Variants in CNTN4 observed in about 807,000 individuals in gnomAD.
The protein encoded by CNTN4 is contactin-4.
Under a neutral mutation model 122.5 loss-of-function variants are expected in CNTN4, and 77 were observed. The observed-to-expected ratio is 0.63, with a 90% CI of 0.52 to 0.76. CNTN4 has a LOEUF of 0.76. CNTN4 is among the 30% of genes least tolerant of loss of function. The pLI is 0.00. For synonymous variants in CNTN4, 512 were observed against 447.0 expected, an observed-to-expected ratio of 1.15 and a Z score of -1.83; for missense variants, 1,256 against 1,259.1, an observed-to-expected ratio of 1.00 and a Z score of 0.04.
intron 4 of CNTN4, among the ~76,000 whole-genome samples, chr3:2,603,359 C>T (rs747027171): frequency 3.9e-5 from 6 of 152,132 alleles, no homozygotes; most frequent in Non-Finnish European, 8.8e-5. Flanking sequence ...GTGGGAAAAT[C>T]ATTAGAAATT....
At chr3:2,449,364 C>T (rs2048739654) in intron 3 of CNTN4, among the ~76,000 whole-genome samples, 1 of 152,144 alleles carries the variant, frequency 6.6e-6, no homozygotes, top group African/African-American at 2.4e-5. Context: ...CCTGTAATCC[C>T]AGCACTTTGG....
At chr3:2,915,148 C>T (rs568839286) in intron 12 of CNTN4, among the ~76,000 whole-genome samples, 2 of 152,224 alleles carry the variant, frequency 1.3e-5, no homozygotes, top group Non-Finnish European at 2.9e-5. Flanking sequence ...TCACTGCAAC[C>T]TCCACCTCCC....
intron 3 of CNTN4, among the ~76,000 whole-genome samples, chr3:2,475,097 A>C (rs997882921): frequency 2.7e-4 from 41 of 152,300 alleles, no homozygotes; most frequent in African/African-American, 9.4e-4. Context: ...ATTTTGCCAA[A>C]TATTTCTTCA....
At chr3:2,776,805 C>T (rs2091338388) in intron 6 of CNTN4, among the ~76,000 whole-genome samples, 1 of 152,070 alleles carries the variant, frequency 6.6e-6, no homozygotes, top group Admixed American at 6.6e-5. Flanking sequence ...AGTACAAAGT[C>T]CTCAGTTACA....
chr3:2,541,058 T>C (rs2078012327), intron 3 of CNTN4, among the ~76,000 whole-genome samples: 1 of 152,142 alleles, frequency 6.6e-6, no homozygotes, highest in African/African-American at 2.4e-5. Flanking sequence ...CAAGTCCTTA[T>C]CTCCAAGTCT....
chr3:2,570,893 G>C (rs192261233), intron 3 of CNTN4, among the ~76,000 whole-genome samples: 1 of 152,292 alleles, frequency 6.6e-6, no homozygotes, highest in East Asian at 1.9e-4. Flanking sequence ...GCATACTTCT[G>C]TGGCATGTTA....
At position 2,191,874 on chromosome 3, in the gene CNTN4, C is replaced by A. The variant is rs1575047077; in HGVS notation, c.-145+91235C>A. On this transcript the variant is annotated intron_variant, in intron 2 of 24. Transcript: ENST00000418658. Reference sequence around the variant, plus strand: ...AGGTATATCTCCTAATGCTATGCCTCCCCCCTCCCCCCACTCCACAACAGG... The same window carrying A: ...AGGTATATCTCCTAATGCTATGCCTACCCCCTCCCCCCACTCCACAACAGG... Among the ~76,000 whole-genome samples, 7 of 151,908 alleles carry A rather than the reference C, an allele frequency of 4.6e-5. No individual in the cohort carries two copies. The South Asian group carries it at 1.5e-3, about 32-fold the overall frequency.
intron 4 of CNTN4, among the ~76,000 whole-genome samples, chr3:2,636,025 A>G (rs1184292657): frequency 6.6e-6 from 1 of 152,146 alleles, no homozygotes; most frequent in Non-Finnish European, 1.5e-5. Flanking sequence ...CCTGCTATAT[A>G]AACCCCTAAT....
intron 2 of CNTN4, among the ~76,000 whole-genome samples, chr3:2,278,516 G>A (rs1575245706): frequency 6.6e-6 from 1 of 152,168 alleles, no homozygotes; most frequent in Admixed American, 6.5e-5. Flanking sequence ...AATGTAACAT[G>A]TTTTAGATAA....
intron 6 of CNTN4, among the ~76,000 whole-genome samples, chr3:2,810,373 T>C (rs2092575776): frequency 6.6e-6 from 1 of 152,210 alleles, no homozygotes; most frequent in Non-Finnish European, 1.5e-5. Flanking sequence ...CTTCTTAACA[T>C]GTAATATTGA....
At chr3:2,135,953 G>T (rs1424852805) in intron 2 of CNTN4, among the ~76,000 whole-genome samples, 1 of 152,180 alleles carries the variant, frequency 6.6e-6, no homozygotes, top group Non-Finnish European at 1.5e-5. Context: ...CCCCATGTTT[G>T]ATCTGTTTTT....
intron 2 of CNTN4, among the ~76,000 whole-genome samples, chr3:2,307,356 A>T (rs1015940891): frequency 2.0e-5 from 3 of 151,354 alleles, no homozygotes; most frequent in African/African-American, 7.3e-5. Context: ...AATGGCGTGA[A>T]CCCGGGAGGC....
At chr3:3,009,346 T>G (rs1459405838) in intron 14 of CNTN4, among the ~76,000 whole-genome samples, 4 of 152,332 alleles carry the variant, frequency 2.6e-5, no homozygotes, top group Non-Finnish European at 5.9e-5. Flanking sequence ...TGTAGCACCC[T>G]TTTCTTGTTT....
intron 14 of CNTN4, among the ~76,000 whole-genome samples, chr3:3,024,373 CTT>C (rs1310282402): frequency 1.6e-5 from 2 of 123,460 alleles, no homozygotes; most frequent in African/African-American, 6.1e-5. Flanking sequence ...GTACTTACCT[CTT>C]TTCCTCATTA....
chr3:2,968,805 CCTT>C (rs1253531777), intron 13 of CNTN4, among the ~76,000 whole-genome samples: 2 of 152,148 alleles, frequency 1.3e-5, no homozygotes, highest in African/African-American at 2.4e-5. Flanking sequence ...ATGTTGACCC[CCTT>C]CTTCTGGTGT....
intron 3 of CNTN4, among the ~76,000 whole-genome samples, chr3:2,565,581 C>G (rs2079123692): frequency 6.6e-6 from 1 of 152,294 alleles, no homozygotes; most frequent in South Asian, 2.1e-4. Flanking sequence ...ATAATCTTTC[C>G]TATCCAATTG....
Position 2,214,223 on chromosome 3 carries a change from G to A in CNTN4, c.-145+113584G>A, listed in dbSNP as rs890522429. Among the ~76,000 whole-genome samples the A allele has an allele frequency of 1.7e-4, 26 of 152,070 alleles. 1 individual carries two copies. Among genetic ancestry groups the A allele is most frequent in the Admixed American group, 1.7e-3 (26 of 15,258 alleles). ...CTGAGTATGGAAATCTGGTTCAGTGGTAGCTTAAGGGGATACACACTTCAA... is the reference window on the plus strand; with the variant it reads ...CTGAGTATGGAAATCTGGTTCAGTGATAGCTTAAGGGGATACACACTTCAA... On this transcript the variant is annotated intron_variant, in intron 2 of 24. Coordinates refer to ENST00000418658, the MANE Select transcript of CNTN4 (RefSeq NM_175607.3).
At chr3:2,436,104 C>CA (rs2048248644) in intron 3 of CNTN4, among the ~76,000 whole-genome samples, 1 of 152,076 alleles carries the variant, frequency 6.6e-6, no homozygotes, top group South Asian at 2.1e-4. Context: ...TAGCTGGAGC[C>CA]AATTATGACT....
At chr3:3,029,742 C>G (rs73805605) in intron 15 of CNTN4, among the ~76,000 whole-genome samples, 3,952 of 152,222 alleles carry the variant, frequency 0.026, 173 homozygotes, top group African/African-American at 0.09. Flanking sequence ...AGACTCCTAA[C>G]CTCTTTGTGC....
Sources: gnomAD v4.1 joint callset for allele counts (sites outside exome capture counted in the v4.1 genomes callset) on GRCh38, gnomAD v4.1.1 for gene constraint, MANE v1.5 for transcripts, NCBI Gene and HGNC (gene_info 2026-07-23, HGNC 2026-07-21) for gene names.